OR2C3: variants seen among roughly 807,000 people sequenced by gnomAD.
OR2C3 encodes the protein olfactory receptor 2C3.
For missense variants in OR2C3, 425 were observed against 401.5 expected (o/e 1.06, Z -0.50); for synonymous variants, 178 against 163.4 (o/e 1.09, Z -0.68).
rs1268869980 is a variant in OR2C3, at chr1:247,526,002, T to C, written c.*5547A>G. 5.3e-5 allele frequency: 8 copies of C among 152,234 alleles called. No individual in the cohort carries two copies. Among genetic ancestry groups the C allele is most frequent in the Non-Finnish European group, 8.8e-5 (6 of 68,036 alleles). The allele number at this position is 152,234 out of a possible 1,614,324, so 9.4% of individuals were successfully genotyped here. ...TACCATTTGATTTTTTATTCTAAAA[T>C]TTATCTTGAGCTACTAGTCAAGTTT... is the stretch of plus-strand genomic sequence containing the variant. On this transcript the variant is annotated 3_prime_UTR_variant, in exon 3 of 3. Coordinates refer to ENST00000641802, the MANE Select transcript of OR2C3 (RefSeq NM_198074.6). This position sits in a 1 kb window ranked among gnomAD's most constrained non-coding sequence, Gnocchi z 4.8.
intron 1 of OR2C3, among the ~76,000 whole-genome samples, chr1:247,535,480 G>A (rs6667757): frequency 0.25 from 37,333 of 152,114 alleles, 5,335 homozygotes; most frequent in Middle Eastern, 0.38. Context: ...TAGAGTCACC[G>A]CAGGTGAGCT....
In OR2C3 at chr1:247,525,030, A is replaced by G. The variant is rs1327126247; in HGVS notation, c.*6519T>C. ...AAAGTTACTAACAAAATCAAATGTT[A>G]GTGAAACTGTGAGAATATATGCCTT... On this transcript the variant is annotated 3_prime_UTR_variant, in exon 3 of 3. Coordinates refer to ENST00000641802, the MANE Select transcript of OR2C3 (RefSeq NM_198074.6). 6.6e-6 allele frequency: 1 copy of G among 151,858 alleles called. No homozygotes were observed. Among genetic ancestry groups the G allele is most frequent in the Admixed American group, 6.5e-5 (1 of 15,292 alleles). The allele number at this position is 151,858 out of a possible 1,614,324, so 9.4% of individuals were successfully genotyped here.
In OR2C3 at chr1:247,533,679, A is replaced by C. The variant is rs74809911; in HGVS notation, c.-202T>G. ...GCCCTTCATGTTCAATCATATTTCT[A>C]CATGGCTGTCCATATGGCTTTGAAC... On this transcript the variant is annotated 5_prime_UTR_variant, in exon 2 of 3. An upstream open reading frame in the 5' UTR loses its in-frame stop. Transcript: ENST00000641802. 4 of 152,234 alleles carry C rather than the reference A, an allele frequency of 2.6e-5. No homozygotes were observed. Among genetic ancestry groups the C allele is most frequent in the Non-Finnish European group, 4.4e-5 (3 of 68,048 alleles). The allele number at this position is 152,234 out of a possible 1,614,324, so 9.4% of individuals were successfully genotyped here.
chr1:247,528,404 C>T lies in OR2C3; in HGVS notation c.*3145G>A, dbSNP rs1178235998. On this transcript the variant is annotated 3_prime_UTR_variant, in exon 3 of 3. Transcript: ENST00000641802. The stretch of plus-strand genomic sequence containing the variant: ...GTGGTGAGAGCGTTCAAAATCCTGT[C>T]TTCACAACATGCATGAACCTAGAAG... 1 of 152,142 alleles carries T rather than the reference C, an allele frequency of 6.6e-6. No individual in the cohort carries two copies. Among genetic ancestry groups the T allele is most frequent in the Non-Finnish European group, 1.5e-5 (1 of 68,034 alleles). The allele number at this position is 152,142 out of a possible 1,614,324, so 9.4% of individuals were successfully genotyped here.
intron 1 of OR2C3, 48 bp downstream of exon 1, chr1:247,536,120 A>AAAC (rs200920649): frequency 1.8e-4 from 28 of 152,286 alleles, no homozygotes; most frequent in African/African-American, 3.1e-4. Context: ...TAAATACCAT[A>AAAC]AACAACAACA....
In OR2C3 at chr1:247,531,839, C is replaced by T. The variant is rs1475160175; in HGVS notation, c.673G>A (p.Ala225Thr). ...ILVSYGHIAR[A>T]VLKIRSAEGR... is the part of the protein sequence containing the mutation. ...TCTGCTGACCTGATCTTCAACACGG[C>T]CCGGGCAATGTGGCCGTAAGAGACC... is the stretch of plus-strand genomic sequence containing the variant. The change falls in exon 3 of 3, where the codon GCC becomes ACC. Residue 225 changes from alanine (A) to threonine (T), a missense_variant. Physicochemically the swap from Ala to Thr is moderately conservative, Grantham distance 58. Coordinates refer to ENST00000641802, the MANE Select transcript of OR2C3 (RefSeq NM_198074.6). 3 of 1,614,180 alleles carry T rather than the reference C, an allele frequency of 1.9e-6. No homozygotes were observed. Among genetic ancestry groups the T allele is most frequent in the Non-Finnish European group, 2.5e-6 (3 of 1,180,026 alleles).
chr1:247,535,470 TAG>T (rs530727377), intron 1 of OR2C3, among the ~76,000 whole-genome samples: 132 of 152,270 alleles, frequency 8.7e-4, no homozygotes, highest in African/African-American at 2.9e-3. Flanking sequence ...GTACTGTATA[TAG>T]AGTCACCGCA....
At chr1:247,535,622 G>A (rs1469374328) in intron 1 of OR2C3, among the ~76,000 whole-genome samples, 2 of 152,156 alleles carry the variant, frequency 1.3e-5, no homozygotes, top group African/African-American at 4.8e-5. Flanking sequence ...ATGCTGAGAG[G>A]AACCACAAGG....
rs149359893 is a variant in OR2C3, at chr1:247,526,756, G to A, written c.*4793C>T. 2,074 of 360,276 alleles carry A rather than the reference G, an allele frequency of 5.8e-3. 10 individuals carry two copies. Among genetic ancestry groups the A allele is most frequent in the Non-Finnish European group, 9.0e-3 (1,660 of 185,208 alleles). The allele number at this position is 360,276 out of a possible 1,614,324, so 22.3% of individuals were successfully genotyped here. Reference sequence around the variant, plus strand: ...TCAAAGCCTATGGTTGCTGCAAGAGGAATAAAAGAAAAGATGGAGCCTAGA... The same window carrying A: ...TCAAAGCCTATGGTTGCTGCAAGAGAAATAAAAGAAAAGATGGAGCCTAGA... On this transcript the variant is annotated 3_prime_UTR_variant, in exon 3 of 3. Transcript: ENST00000641802. This position sits in a 1 kb window ranked among gnomAD's most constrained non-coding sequence, Gnocchi z 4.8.
chr1:247,533,200 C>T (rs1025243816), intron 2 of OR2C3, among the ~76,000 whole-genome samples: 3 of 152,174 alleles, frequency 2.0e-5, no homozygotes, highest in Admixed American at 6.5e-5. Flanking sequence ...AATACTCTAA[C>T]TCATCTCTCT....
intron 1 of OR2C3, among the ~76,000 whole-genome samples, chr1:247,534,146 T>C (rs74152618): frequency 0.013 from 2,023 of 152,312 alleles, 35 homozygotes; most frequent in African/African-American, 0.046. Context: ...TATTTTTATA[T>C]AAGGTGATAA....
chr1:247,525,668 A>G lies in OR2C3; in HGVS notation c.*5881T>C, dbSNP rs1290136406. ...GGAAGCCCTCTGAACCCAGTCCTTG[A>G]GGGTTTTTATGGAGGCATCATTCTG... On this transcript the variant is annotated 3_prime_UTR_variant, in exon 3 of 3. Coordinates refer to ENST00000641802, the MANE Select transcript of OR2C3 (RefSeq NM_198074.6). The G allele has an allele frequency of 6.6e-6, 1 of 152,240 alleles. No individual in the cohort carries two copies. Among genetic ancestry groups the G allele is most frequent in the Non-Finnish European group, 1.5e-5 (1 of 68,060 alleles). The allele number at this position is 152,240 out of a possible 1,614,324, so 9.4% of individuals were successfully genotyped here.
rs1667217928 is a variant in OR2C3 at position 247,536,361 on chromosome 1, A to G, written c.-595T>C. 6.6e-6 allele frequency: 1 copy of G among 152,236 alleles called. No homozygotes were observed. Among genetic ancestry groups the G allele is most frequent in the African/African-American group, 2.4e-5 (1 of 41,470 alleles). The allele number at this position is 152,236 out of a possible 1,614,324, so 9.4% of individuals were successfully genotyped here. A position where few individuals can be genotyped will look rare whatever the true frequency, so the allele number is the denominator to read the frequency against. On this transcript the variant is annotated 5_prime_UTR_variant, in exon 1 of 3. An upstream open reading frame in the 5' UTR loses its in-frame stop. Transcript: ENST00000641802. ...CTAAGTCGGTGGTAGCAGACGTGTT[A>G]GATTCTGTTCAAATTCATGTCTAAA...
rs753278779 is a variant in OR2C3 at position 247,530,516 on chromosome 1, A to AGCCC, written c.*1032_*1033insGGGC. 1.7e-5 allele frequency: 1 copy of AGCCC among 58,572 alleles called. No homozygotes were observed. Among genetic ancestry groups the AGCCC allele is most frequent in the Admixed American group, 1.7e-4 (1 of 5,792 alleles). 3.6% of individuals were successfully genotyped at this position (58,572 alleles called of 1,614,324 possible). On this transcript the variant is annotated 3_prime_UTR_variant, in exon 3 of 3. Transcript: ENST00000641802. ...TGAACCAGTCCACAAACACCATGCC[A>AGCCC]TCCCCCCCCCACAAAATAACATTTC...
chr1:247,526,585 C>T lies in OR2C3; in HGVS notation c.*4964G>A, dbSNP rs1249697711. 1 of 190,906 alleles carries T rather than the reference C, an allele frequency of 5.2e-6. No homozygotes were observed. Among genetic ancestry groups the T allele is most frequent in the Non-Finnish European group, 1.1e-5 (1 of 91,934 alleles). 11.8% of individuals were successfully genotyped at this position (190,906 alleles called of 1,614,324 possible). On this transcript the variant is annotated 3_prime_UTR_variant, in exon 3 of 3. Coordinates refer to ENST00000641802, the MANE Select transcript of OR2C3 (RefSeq NM_198074.6). This position sits in a 1 kb window ranked among gnomAD's most constrained non-coding sequence, Gnocchi z 4.8. ...CCCCACAGTCAATGTGGCCTGGGTC[C>T]TTCACTCTCCACATTTCTCAGCTGT...
At position 247,528,665 on chromosome 1, in the gene OR2C3, G is replaced by A. The variant is rs984047905; in HGVS notation, c.*2884C>T. On this transcript the variant is annotated 3_prime_UTR_variant, in exon 3 of 3. Coordinates refer to ENST00000641802, the MANE Select transcript of OR2C3 (RefSeq NM_198074.6). ...CTTCCCAGTGGTCAAACTACAGGCA[G>A]TTTAGCTGGTTGTTAATTTTTTATA... The A allele has an allele frequency of 6.6e-6, 1 of 152,234 alleles. No homozygotes were observed. Among genetic ancestry groups the A allele is most frequent in the Non-Finnish European group, 1.5e-5 (1 of 68,044 alleles). The allele number at this position is 152,234 out of a possible 1,614,324, so 9.4% of individuals were successfully genotyped here.
Position 247,531,271 on chromosome 1 carries a change from G to A in OR2C3, c.*278C>T. The A allele has an allele frequency of 2.3e-6, 1 of 433,686 alleles. No homozygotes were observed. The highest frequency in any genetic ancestry group is 4.1e-6 in the Non-Finnish European group (1 of 241,934). 26.9% of individuals were successfully genotyped at this position (433,686 alleles called of 1,614,324 possible). On this transcript the variant is annotated 3_prime_UTR_variant, in exon 3 of 3. Coordinates refer to ENST00000641802, the MANE Select transcript of OR2C3 (RefSeq NM_198074.6). ...CACCCGCTTCGGATACTGAGGAACA[G>A]CTGAACAACAACGCAAGGAGTTTAC...
In OR2C3 at chr1:247,530,268, T is replaced by C. The variant is rs2102997897; in HGVS notation, c.*1281A>G. On this transcript the variant is annotated 3_prime_UTR_variant, in exon 3 of 3. Coordinates refer to ENST00000641802, the MANE Select transcript of OR2C3 (RefSeq NM_198074.6). ...TCAGGCAGAGAATGAGGTTACTCTA[T>C]TGATAGAGGTGAACTCTAGTGATAG... is the stretch of plus-strand genomic sequence containing the variant. 6.6e-6 allele frequency: 1 copy of C among 152,320 alleles called. No homozygotes were observed. Among genetic ancestry groups the C allele is most frequent in the South Asian group, 2.1e-4 (1 of 4,830 alleles). The allele number at this position is 152,320 out of a possible 1,614,324, so 9.4% of individuals were successfully genotyped here.
Position 247,527,220 on chromosome 1 carries a change from A to G in OR2C3, c.*4329T>C. ...ATGGTCATCATTCTCCTCTGTGCCAAACAGGGGCTGATGGATGGTCAGGGC... is the reference window on the plus strand; with the variant it reads ...ATGGTCATCATTCTCCTCTGTGCCAGACAGGGGCTGATGGATGGTCAGGGC... On this transcript the variant is annotated 3_prime_UTR_variant, in exon 3 of 3. Coordinates refer to ENST00000641802, the MANE Select transcript of OR2C3 (RefSeq NM_198074.6). The surrounding 1 kb of genome is among the most constrained non-coding windows in gnomAD (Gnocchi z 4.6). 1 of 384,566 alleles carries G rather than the reference A, an allele frequency of 2.6e-6. No individual in the cohort carries two copies. Among genetic ancestry groups the G allele is most frequent in the Middle Eastern group, 4.0e-4 (1 of 2,474 alleles). 23.8% of individuals were successfully genotyped at this position (384,566 alleles called of 1,614,324 possible).
Sources: gnomAD v4.1 joint callset for allele counts (sites outside exome capture counted in the v4.1 genomes callset) on GRCh38, gnomAD v4.1.1 for gene constraint, Gnocchi (gnomAD v3.1) non-coding constraint, MANE v1.5 for transcripts, NCBI Gene and HGNC (gene_info 2026-07-23, HGNC 2026-07-21) for gene names.